GAPVD1: variants seen among roughly 807,000 people sequenced by gnomAD.
GAPVD1 encodes GTPase activating protein and VPS9 domains 1, also known as GTPase-activating protein and VPS9 domain-containing protein 1.
GAPVD1 carries 35 observed loss-of-function variants against 155.5 expected under a neutral mutation model. The ratio of observed to expected loss-of-function variants is 0.23; its 90% CI spans 0.17 to 0.30. GAPVD1 has a LOEUF of 0.30. Ranked by LOEUF, GAPVD1 falls within the 10% of genes least tolerant of loss-of-function variation. The pLI is 1.00. For missense variants in GAPVD1, 1,429 were observed against 1,775.7 expected (o/e 0.80, Z 3.51); for synonymous variants, 636 against 619.7 (o/e 1.03, Z -0.39).
chr9:125,264,984 G>T (rs1452491185), intron 1 of GAPVD1, among the ~76,000 whole-genome samples: 1 of 152,140 alleles, frequency 6.6e-6, no homozygotes, highest in Non-Finnish European at 1.5e-5. Flanking sequence ...CCCCCAGAGT[G>T]CTAGGATTAT....
At chr9:125,345,432 C>G (rs1014562177) in intron 19 of GAPVD1, among the ~76,000 whole-genome samples, 1 of 152,130 alleles carries the variant, frequency 6.6e-6, no homozygotes, top group African/African-American at 2.4e-5. Flanking sequence ...CTGCCCGCAT[C>G]GGCCTCCAAA....
chr9:125,267,585 T>G (rs573864700), intron 1 of GAPVD1, among the ~76,000 whole-genome samples: 106 of 152,160 alleles, frequency 7.0e-4, no homozygotes, highest in Middle Eastern at 3.4e-3. Flanking sequence ...AATTTTGTAT[T>G]TTTAGTAGAG....
intron 10 of GAPVD1, among the ~76,000 whole-genome samples, chr9:125,323,211 A>G (rs373942289): frequency 3.3e-5 from 5 of 151,820 alleles, no homozygotes; most frequent in Non-Finnish European, 4.4e-5. Flanking sequence ...GGTTCAAGCA[A>G]TTCCCCTGCC....
chr9:125,358,402 G>C (rs1057186160), intron 25 of GAPVD1, among the ~76,000 whole-genome samples: 5 of 152,046 alleles, frequency 3.3e-5, no homozygotes, highest in African/African-American at 1.2e-4. Context: ...CACCCCGCCC[G>C]GCCTTCTGTA....
Position 125,362,866 on chromosome 9 carries a change from ATTTT to A in GAPVD1, c.*121_*124del. On this transcript the variant is annotated 3_prime_UTR_variant, in exon 28 of 28. Coordinates refer to ENST00000297933, the MANE Select transcript of GAPVD1 (RefSeq NM_001282680.3). Reference sequence around the variant, plus strand: ...TGTATGATACTGCACAGCATCAGGCATTTTAAAGCAGATCTTTACTAAACAGGTT... The same window carrying A: ...TGTATGATACTGCACAGCATCAGGCAAAAGCAGATCTTTACTAAACAGGTT... 2 of 768,194 alleles carry A rather than the reference ATTTT, an allele frequency of 2.6e-6. No individual in the cohort carries two copies. The highest frequency in any genetic ancestry group is 2.0e-6 in the Non-Finnish European group (1 of 501,490). The allele number at this position is 768,194 out of a possible 1,614,324, so 47.6% of individuals were successfully genotyped here.
intron 9 of GAPVD1, among the ~76,000 whole-genome samples, chr9:125,317,286 C>G (rs1421151933): frequency 6.7e-6 from 1 of 149,866 alleles, no homozygotes; most frequent in Non-Finnish European, 1.5e-5. Context: ...CCATTGCACT[C>G]TAGCCTGGGC....
In GAPVD1 at chr9:125,338,927, ATTTGTGTGTGTGTG is replaced by A. The variant is rs774748995; in HGVS notation, c.2877+1338_2877+1351del. Among the ~76,000 whole-genome samples, 748 of 140,794 alleles carry A rather than the reference ATTTGTGTGTGTGTG, an allele frequency of 5.3e-3. 6 individuals carry two copies. Among genetic ancestry groups the A allele is most frequent in the Middle Eastern group, 0.015 (4 of 274 alleles). 92.4% of individuals were successfully genotyped at this position (140,794 alleles called of 152,430 possible). On this transcript the variant is annotated intron_variant, in intron 17 of 27. Coordinates refer to ENST00000297933, the MANE Select transcript of GAPVD1 (RefSeq NM_001282680.3). ...TCATGGTTTTCTGTCTTTTAAAAAA[ATTTGTGTGTGTGTG>A]TGTGTGTGTGTGTGTGTATATATAT...
chr9:125,356,044 A>C (rs1850033436), intron 25 of GAPVD1, among the ~76,000 whole-genome samples, 187 bp downstream of exon 25: 1 of 152,224 alleles, frequency 6.6e-6, no homozygotes. Flanking sequence ...GGATGTGGGC[A>C]GTCAAGCTGG....
At chr9:125,331,127 T>G (rs904554180) in intron 13 of GAPVD1, among the ~76,000 whole-genome samples, 3 of 152,196 alleles carry the variant, frequency 2.0e-5, no homozygotes, top group African/African-American at 7.2e-5. Flanking sequence ...TAAATATAAG[T>G]AACTGTGTAT....
At chr9:125,325,152 G>A (rs1844928270) in intron 11 of GAPVD1, among the ~76,000 whole-genome samples, 1 of 152,034 alleles carries the variant, frequency 6.6e-6, no homozygotes, top group Admixed American at 6.6e-5. Flanking sequence ...TTGAACCTGG[G>A]AGGCAGGGGT....
At position 125,355,744 on chromosome 9, in the gene GAPVD1, C is replaced by T. The variant is rs777272077; in HGVS notation, c.3858C>T (p.Asn1286=). 41 of 1,612,940 alleles carry T rather than the reference C, an allele frequency of 2.5e-5. No individual in the cohort carries two copies. Among genetic ancestry groups the T allele is most frequent in the Admixed American group, 5.0e-5 (3 of 59,984 alleles). The change falls in exon 25 of 28, where the codon AAC becomes AAT. Residue 1286 remains asparagine (N), a synonymous_variant. Coordinates refer to ENST00000297933, the MANE Select transcript of GAPVD1 (RefSeq NM_001282680.3). The stretch of plus-strand genomic sequence containing the variant: ...TGGCCCAGGATGTCATATGGCAAAA[C>T]GCGAGTGAAGAACAGCTTCAAGATG... The part of the protein sequence containing the change: ...GAMAQDVIWQ[N]ASEEQLQDAQ...
chr9:125,280,457 G>A (rs1836608878), intron 2 of GAPVD1, among the ~76,000 whole-genome samples: 1 of 151,320 alleles, frequency 6.6e-6, no homozygotes, highest in African/African-American at 2.4e-5. Flanking sequence ...CCCGTAGTTG[G>A]TGTCTAGCAC....
At chr9:125,330,802 G>T (rs193130658) in intron 13 of GAPVD1, among the ~76,000 whole-genome samples, 7 of 152,198 alleles carry the variant, frequency 4.6e-5, no homozygotes, top group Non-Finnish European at 7.3e-5. Flanking sequence ...ATCAGAGTCC[G>T]TGTGAATCAT....
At chr9:125,298,849 T>G (rs1840320782) in intron 3 of GAPVD1, 41 bp from the exon 4 acceptor site, 1 of 825,756 alleles carries the variant, frequency 1.2e-6, no homozygotes. Context: ...AGAACTTAAG[T>G]GACATACATA....
intron 2 of GAPVD1, among the ~76,000 whole-genome samples, chr9:125,284,897 A>G (rs1196318666): frequency 6.6e-6 from 1 of 152,232 alleles, no homozygotes; most frequent in African/African-American, 2.4e-5. Context: ...ATATTGTATA[A>G]AAGCTCCATT....
intron 2 of GAPVD1, among the ~76,000 whole-genome samples, chr9:125,293,831 A>ATATATATAAAAATATATTT (rs1564310218): frequency 1.7e-5 from 2 of 119,146 alleles, no homozygotes; most frequent in African/African-American, 6.5e-5. Flanking sequence ...ATATAAAAAA[A>ATATATATAAAAATATATTT]TATATATATA....
At chr9:125,305,832 G>A (rs1841706282) in intron 6 of GAPVD1, among the ~76,000 whole-genome samples, 1 of 151,724 alleles carries the variant, frequency 6.6e-6, no homozygotes, top group Non-Finnish European at 1.5e-5. Context: ...TGTTTTTATT[G>A]TTATAGAGAC....
At chr9:125,353,052 A>G (rs1849539390) in intron 23 of GAPVD1, among the ~76,000 whole-genome samples, 1 of 151,962 alleles carries the variant, frequency 6.6e-6, no homozygotes, top group African/African-American at 2.4e-5. Flanking sequence ...GGTTACAGTG[A>G]GCTGAGATCA....
At chr9:125,293,594 CA>C (rs1838947361) in intron 2 of GAPVD1, among the ~76,000 whole-genome samples, 1 of 56,240 alleles carries the variant, frequency 1.8e-5, no homozygotes, top group Non-Finnish European at 3.8e-5. Context: ...GGATGACAGG[CA>C]GCTGCCACCA....
Sources: gnomAD v4.1 joint callset for allele counts (sites outside exome capture counted in the v4.1 genomes callset) on GRCh38, gnomAD v4.1.1 for gene constraint, MANE v1.5 for transcripts, NCBI Gene and HGNC (gene_info 2026-07-23, HGNC 2026-07-21) for gene names.